Variants in ARHGEF18 observed in about 807,000 individuals in gnomAD.
The protein encoded by ARHGEF18 is Rho/Rac guanine nucleotide exchange factor 18, also known as rho guanine nucleotide exchange factor 18.
A neutral mutation model predicts 155.7 loss-of-function variants in ARHGEF18; 93 were observed. The observed-to-expected ratio is 0.60, with a 90% CI of 0.50 to 0.71. The LOEUF (loss-of-function observed/expected upper bound fraction) is 0.71. ARHGEF18 is among the 30% of genes least tolerant of loss of function. The pLI is 0.00. For synonymous variants in ARHGEF18, 742 were observed against 753.1 expected, an observed-to-expected ratio of 0.99 and a Z score of 0.24; for missense variants, 1,593 against 1,816.1, an observed-to-expected ratio of 0.88 and a Z score of 2.23.
At chr19:7,402,902 G>A (rs1972093073) in intron 10 of ARHGEF18, among the ~76,000 whole-genome samples, 2 of 152,098 alleles carry the variant, frequency 1.3e-5, no homozygotes, top group Non-Finnish European at 2.9e-5. Context: ...GCTGCTGCTG[G>A]CCAAGATAAT....
At chr19:7,460,042 G>A (rs1042347566) in intron 20 of ARHGEF18, 48 bp downstream of exon 20, 1 of 1,534,346 alleles carries the variant, frequency 6.5e-7, no homozygotes, top group South Asian at 1.2e-5. Context: ...GGTGAGCCCT[G>A]GGCCCTCCAT....
At chr19:7,435,014 C>T (rs115498650) in intron 10 of ARHGEF18, among the ~76,000 whole-genome samples, 1,670 of 152,258 alleles carry the variant, frequency 0.011, 25 homozygotes, top group African/African-American at 0.022. Context: ...CCAGCTTAGC[C>T]AATGTGGCAA....
chr19:7,377,913 C>T (rs920587181), intron 5 of ARHGEF18, among the ~76,000 whole-genome samples: 2 of 151,866 alleles, frequency 1.3e-5, no homozygotes, highest in Non-Finnish European at 2.9e-5. Flanking sequence ...GGTGAAACCC[C>T]GTCTCTACTA....
chr19:7,477,499 T>C, the ARHGEF18 span: 1 of 1,298,436 alleles, frequency 7.7e-7, no homozygotes, highest in African/African-American at 1.6e-5. Flanking sequence ...CCCAAGCCCC[T>C]GAATGCCCTG....
intron 10 of ARHGEF18, among the ~76,000 whole-genome samples, chr19:7,426,258 C>T (rs932613020): frequency 6.6e-6 from 1 of 152,090 alleles, no homozygotes; most frequent in Middle Eastern, 3.4e-3. Flanking sequence ...GAGGCTGAGG[C>T]GGGTGGATCA....
At chr19:7,375,557 T>C (rs1247048754) in intron 3 of ARHGEF18, among the ~76,000 whole-genome samples, 163 bp from the exon 4 acceptor site, 2 of 152,182 alleles carry the variant, frequency 1.3e-5, no homozygotes, top group East Asian at 1.9e-4. Flanking sequence ...TGCCACCCAC[T>C]CCTCTCATAT....
At position 7,458,646 on chromosome 19, in the gene ARHGEF18, G is replaced by C. The variant is rs758222179; in HGVS notation, c.2316G>C (p.Glu772Asp). Residue 772 changes from glutamate to aspartate, a missense_variant, in exon 19 of 29, where the codon GAG becomes GAC. Transcript: ENST00000668164. ...EMYEIYTSSKEDRNAWMAHIQ... is the reference protein window; with the variant it reads ...EMYEIYTSSKDDRNAWMAHIQ... Reference sequence around the variant, plus strand: ...ATGAAATCTACACGAGCTCCAAAGAGGACAGGAACGCCTGGATGGCCCACA... The same window carrying C: ...ATGAAATCTACACGAGCTCCAAAGACGACAGGAACGCCTGGATGGCCCACA... 10 of 1,614,118 alleles carry C rather than the reference G, an allele frequency of 6.2e-6. No individual in the cohort carries two copies. The highest frequency in any genetic ancestry group is 6.8e-6 in the Non-Finnish European group (8 of 1,179,996).
intron 10 of ARHGEF18, among the ~76,000 whole-genome samples, chr19:7,405,634 A>G (rs940937857): frequency 6.6e-6 from 1 of 152,202 alleles, no homozygotes; most frequent in African/African-American, 2.4e-5. Context: ...TTTTTGAAAC[A>G]GGGTCTTGCT....
At chr19:7,360,849 C>A (rs2145335783) in intron 1 of ARHGEF18, among the ~76,000 whole-genome samples, 1 of 152,328 alleles carries the variant, frequency 6.6e-6, no homozygotes, top group South Asian at 2.1e-4. Flanking sequence ...GGGAAGAGAA[C>A]AGATGCAAAG....
intron 1 of ARHGEF18, among the ~76,000 whole-genome samples, chr19:7,350,020 T>TCCAC (rs1205177145): frequency 6.6e-6 from 1 of 152,136 alleles, no homozygotes; most frequent in Non-Finnish European, 1.5e-5. Flanking sequence ...AGCACATCCC[T>TCCAC]CCACCCAGGC....
chr19:7,351,209 C>A (rs775746345), intron 1 of ARHGEF18, among the ~76,000 whole-genome samples: 3 of 152,244 alleles, frequency 2.0e-5, no homozygotes, highest in African/African-American at 7.2e-5. Context: ...TGTCCCCAGG[C>A]CTTCCTTCCT....
rs1568265562 is a variant in ARHGEF18, at chr19:7,362,343, A to AAGAGGAG, written c.-110-438_-110-437insAGAGGAG. Among the ~76,000 whole-genome samples the AAGAGGAG allele has an allele frequency of 5.0e-3, 652 of 129,116 alleles. 32 individuals are homozygous for AAGAGGAG. The East Asian group carries it at 0.1, about 20-fold the overall frequency. The allele number at this position is 129,116 out of a possible 152,430, so 84.7% of individuals were successfully genotyped here. Reference sequence around the variant, plus strand: ...GGAAGAAGGTGGAGGAGGAGGAGGAAGAGGAGGAGGAGGAAAAACAATGTG... The same window carrying AAGAGGAG: ...GGAAGAAGGTGGAGGAGGAGGAGGAAAGAGGAGGAGGAGGAGGAGGAAAAACAATGTG... On this transcript the variant is annotated intron_variant, in intron 1 of 28. Transcript: ENST00000668164.
intron 10 of ARHGEF18, among the ~76,000 whole-genome samples, chr19:7,408,487 C>T (rs1972475001): frequency 6.6e-6 from 1 of 152,206 alleles, no homozygotes; most frequent in South Asian, 2.1e-4. Flanking sequence ...ATCATTTTTA[C>T]AGTTCTGTTT....
At chr19:7,443,278 G>C (rs556731138) in intron 13 of ARHGEF18, among the ~76,000 whole-genome samples, 7 of 151,916 alleles carry the variant, frequency 4.6e-5, no homozygotes, top group Admixed American at 2.6e-4. Context: ...GCTAGTCTCG[G>C]ACTCCTGACC....
chr19:7,398,704 A>AATAAAGAAAG (rs112794982), intron 10 of ARHGEF18, among the ~76,000 whole-genome samples: 1 of 147,076 alleles, frequency 6.8e-6, no homozygotes, highest in Admixed American at 6.7e-5. Flanking sequence ...AAAAAAAAAA[A>AATAAAGAAAG]AAATAAAGAA....
At chr19:7,373,147 G>A in intron 3 of ARHGEF18, 76 bp downstream of exon 3, 1 of 1,232,292 alleles carries the variant, frequency 8.1e-7, no homozygotes, top group Non-Finnish European at 1.0e-6. Flanking sequence ...CCAGAGCCAG[G>A]TCCTAAGACA....
intron 26 of ARHGEF18, among the ~76,000 whole-genome samples, chr19:7,468,500 C>A (rs1380229303): frequency 6.6e-6 from 1 of 152,226 alleles, no homozygotes; most frequent in Non-Finnish European, 1.5e-5. Context: ...GATTGTGCCA[C>A]TGCATTCTAG....
chr19:7,378,377 T>C lies in ARHGEF18; in HGVS notation c.542-17T>C. ...CTCCTGACAACTGTGCTTCCTGGGA[T>C]GGGGGGCTTCTTCCAGGCCTGGAAC... On this transcript the variant is annotated splice_polypyrimidine_tract_variant and intron_variant, in intron 5 of 28. Transcript: ENST00000668164. 1 of 1,234,126 alleles carries C rather than the reference T, an allele frequency of 8.1e-7. No individual in the cohort carries two copies. The highest frequency in any genetic ancestry group is 1.0e-6 in the Non-Finnish European group (1 of 988,072). 76.4% of individuals were successfully genotyped at this position (1,234,126 alleles called of 1,614,324 possible).
chr19:7,374,571 G>A (rs143217374), intron 3 of ARHGEF18, among the ~76,000 whole-genome samples: 2 of 152,042 alleles, frequency 1.3e-5, no homozygotes, highest in African/African-American at 2.4e-5. Flanking sequence ...CCAGCTACTC[G>A]GTAGGCTGAG....
Sources: allele counts gnomAD v4.1 joint callset (sites outside exome capture counted in the v4.1 genomes callset), GRCh38; gene constraint gnomAD v4.1.1; transcripts MANE v1.5; gene names NCBI Gene and HGNC (gene_info 2026-07-23, HGNC 2026-07-21).